Variants in PAPPA observed in about 807,000 individuals in gnomAD.
PAPPA encodes the protein pappalysin-1.
A neutral mutation model predicts 164.0 loss-of-function variants in PAPPA; 60 were observed. That is an observed-to-expected ratio of 0.37 (90% CI 0.30 to 0.45). The LOEUF is 0.45. Among genes scored for constraint, PAPPA ranks in the 20% least tolerant of loss-of-function variants. PAPPA has a pLI of 1.00. For missense variants in PAPPA, 1,782 were observed against 2,087.3 expected, an observed-to-expected ratio of 0.85 and a Z score of 2.85; for synonymous variants, 875 against 814.1, an observed-to-expected ratio of 1.07 and a Z score of -1.27.
At chr9:116,240,028 C>G in intron 7 of PAPPA, among the ~76,000 whole-genome samples, 1 of 152,160 alleles carries the variant, frequency 6.6e-6, no homozygotes, top group East Asian at 1.9e-4. Flanking sequence ...ACACTGAGCA[C>G]TGTGCTCCTT....
At chr9:116,189,587 A>T (rs1276093559) in intron 2 of PAPPA, among the ~76,000 whole-genome samples, 1 of 152,190 alleles carries the variant, frequency 6.6e-6, no homozygotes, top group Non-Finnish European at 1.5e-5. Context: ...CAGTAATCCA[A>T]AAGTAGAGCC....
intron 17 of PAPPA, among the ~76,000 whole-genome samples, chr9:116,354,589 A>G (rs1846328146): frequency 6.6e-6 from 1 of 152,060 alleles, no homozygotes; most frequent in Non-Finnish European, 1.5e-5. Context: ...CCAAATCACC[A>G]TTCTGAATCC....
At chr9:116,166,935 G>T (rs1351775319) in intron 1 of PAPPA, among the ~76,000 whole-genome samples, 1 of 152,114 alleles carries the variant, frequency 6.6e-6, no homozygotes, top group Admixed American at 6.5e-5. Context: ...AACATTTGAA[G>T]AATGTAGAAT....
intron 19 of PAPPA, among the ~76,000 whole-genome samples, chr9:116,374,170 T>G (rs11521560): frequency 2.9e-5 from 4 of 139,672 alleles, no homozygotes; most frequent in Non-Finnish European, 4.7e-5. Flanking sequence ...GGTGGTGGTG[T>G]TGATGATGAT....
Position 116,187,850 on chromosome 9 carries a change from C to A in PAPPA, c.1112C>A (p.Thr371Lys), listed in dbSNP as rs138173573. ...GATGATCATAAGAACCCGACGGTGA[C>A]GCGCGAGCAGGTGGACTTCCAGCAC... is the stretch of plus-strand genomic sequence containing the variant. The part of the protein sequence containing the change: ...YEDDHKNPTV[T>K]REQVDFQHHQ... The change falls in exon 2 of 22, where the codon ACG (threonine) becomes AAG (lysine). Residue 371 changes from threonine to lysine, a missense_variant. Physicochemically the swap from Thr to Lys is moderately conservative, Grantham distance 78. Around this residue, in one of 2 missense-constraint regions of PAPPA, gnomAD observed 1,324 missense variants for 1,656.9 expected, o/e 0.80. Transcript: ENST00000328252. The surrounding 1 kb of genome is among the most constrained non-coding windows in gnomAD (Gnocchi z 4.2). The A allele has an allele frequency of 1.2e-6, 2 of 1,614,200 alleles. No homozygotes were observed. The highest frequency in any genetic ancestry group is 8.5e-7 in the Non-Finnish European group (1 of 1,180,036).
intron 10 of PAPPA, among the ~76,000 whole-genome samples, chr9:116,315,577 A>T (rs1845778017): frequency 6.6e-6 from 1 of 152,202 alleles, no homozygotes. Flanking sequence ...TTTTGCAGGA[A>T]AGATTGGGGT....
In PAPPA at chr9:116,347,652, A is replaced by G. The variant is rs1203065647; in HGVS notation, c.3964+443A>G. Among the ~76,000 whole-genome samples, 1 of 152,196 alleles carries G rather than the reference A, an allele frequency of 6.6e-6. No individual in the cohort carries two copies. The highest frequency in any genetic ancestry group is 1.5e-5 in the Non-Finnish European group (1 of 68,020). ...TCAGAGGGTTTAAAGAACTTGCCCAAGGCTGCACCATCAGTGGTGGGGACC... is the reference window on the plus strand; with the variant it reads ...TCAGAGGGTTTAAAGAACTTGCCCAGGGCTGCACCATCAGTGGTGGGGACC... On this transcript the variant is annotated intron_variant, in intron 15 of 21. Coordinates refer to ENST00000328252, the MANE Select transcript of PAPPA (RefSeq NM_002581.5). The surrounding 1 kb of genome is among the most constrained non-coding windows in gnomAD (Gnocchi z 4.5).
chr9:116,179,702 C>G (rs1435365501), intron 1 of PAPPA, among the ~76,000 whole-genome samples: 2 of 152,090 alleles, frequency 1.3e-5, no homozygotes, highest in Non-Finnish European at 2.9e-5. Context: ...GGTGGGTCTC[C>G]CCCCCGACTG....
chr9:116,221,043 G>C (rs1587958568), intron 5 of PAPPA, among the ~76,000 whole-genome samples: 1 of 151,620 alleles, frequency 6.6e-6, no homozygotes, highest in South Asian at 2.1e-4. Flanking sequence ...CTGCTGCCCT[G>C]ACTGTTCGTT....
intron 8 of PAPPA, among the ~76,000 whole-genome samples, chr9:116,270,457 T>C (rs1325396815): frequency 6.6e-6 from 1 of 152,262 alleles, no homozygotes. Context: ...ATGTAAATCA[T>C]CACAGAAATA....
intron 1 of PAPPA, among the ~76,000 whole-genome samples, chr9:116,180,900 C>G (rs1321618709): frequency 6.6e-6 from 1 of 152,118 alleles, no homozygotes; most frequent in African/African-American, 2.4e-5. Context: ...AGGCAGGGGA[C>G]CTCGCCTCTC....
intron 21 of PAPPA, among the ~76,000 whole-genome samples, chr9:116,393,794 A>C (rs374048100): frequency 6.6e-6 from 1 of 152,186 alleles, no homozygotes; most frequent in African/African-American, 2.4e-5. Flanking sequence ...ACACAAAAGT[A>C]GGAAAACAGA....
rs546927375 is a variant in PAPPA at position 116,204,616 on chromosome 9, G to T, written c.1479-2840G>T. Among the ~76,000 whole-genome samples, 48 of 151,966 alleles carry T rather than the reference G, an allele frequency of 3.2e-4. No homozygotes were observed. The South Asian group carries it at 8.3e-3, about 26-fold the overall frequency. On this transcript the variant is annotated intron_variant, in intron 2 of 21. Transcript: ENST00000328252. ...TTTTTTGTAAAGATGGGATCTCCCT[G>T]TGTTGCCCAAGCTGATCTCAAACTC...
chr9:116,212,745 G>A (rs1276461641), intron 4 of PAPPA, among the ~76,000 whole-genome samples: 3 of 152,112 alleles, frequency 2.0e-5, no homozygotes. Context: ...AAGAAAGGGA[G>A]GAGAGAGGGA....
At chr9:116,215,955 T>A (rs549326949) in intron 4 of PAPPA, among the ~76,000 whole-genome samples, 7 of 152,114 alleles carry the variant, frequency 4.6e-5, no homozygotes, top group African/African-American at 1.7e-4. Flanking sequence ...CAAACACATA[T>A]ATATATACAT....
chr9:116,182,162 T>C (rs1010940860), intron 1 of PAPPA, among the ~76,000 whole-genome samples: 5 of 152,230 alleles, frequency 3.3e-5, no homozygotes, highest in Non-Finnish European at 5.9e-5. Context: ...GAGGGAGCAA[T>C]GCTGATAGAC....
rs766006267 is a variant in PAPPA, at chr9:116,344,758, G to A, written c.3780+47G>A. The A allele has an allele frequency of 2.9e-5, 45 of 1,558,928 alleles. No homozygotes were observed. The African/African-American group carries it at 4.7e-4, about 16-fold the overall frequency. On this transcript the variant is annotated intron_variant, in intron 14 of 21. Transcript: ENST00000328252. ...AGAGCCTCTCTGCAGCCCAGGGAAG[G>A]CTTACTGGGTGTTAACCATGTTCTC...
intron 20 of PAPPA, among the ~76,000 whole-genome samples, chr9:116,378,181 G>C (rs139771516): frequency 1.3e-3 from 191 of 152,260 alleles, no homozygotes; most frequent in Non-Finnish European, 2.1e-3. Flanking sequence ...GAGCTGAAGT[G>C]AAAGAGCCTT....
intron 10 of PAPPA, among the ~76,000 whole-genome samples, chr9:116,308,560 C>T (rs1845676200): frequency 2.0e-5 from 3 of 152,186 alleles, no homozygotes; most frequent in Admixed American, 6.5e-5. Context: ...AACCAAGATG[C>T]AGGCCACTGT....
Sources: gnomAD v4.1 joint callset for allele counts (sites outside exome capture counted in the v4.1 genomes callset) on GRCh38, gnomAD v4.1.1 for gene constraint, gnomAD v4.1.1 regional missense constraint, Gnocchi (gnomAD v3.1) non-coding constraint, MANE v1.5 for transcripts, NCBI Gene and HGNC (gene_info 2026-07-23, HGNC 2026-07-21) for gene names.